Variants in TENM3 observed in about 807,000 individuals in gnomAD.
TENM3 encodes the protein teneurin-3.
A neutral mutation model predicts 255.1 loss-of-function variants in TENM3; 63 were observed. The ratio of observed to expected loss-of-function variants is 0.25; its 90% confidence interval spans 0.20 to 0.30. The LOEUF is 0.30. Among genes scored for constraint, TENM3 ranks in the 10% least tolerant of loss-of-function variants. The probability of loss-of-function intolerance (pLI) is 1.00; values close to 1 mark genes in which losing one functional copy is unlikely to be tolerated. For synonymous variants in TENM3, 1,306 were observed against 1,322.3 expected (o/e 0.99, Z 0.27); for missense variants, 2,929 against 3,461.1 (o/e 0.85, Z 3.86).
At chr4:182,205,063 C>G (rs915802050) in intron 1 of TENM3, among the ~76,000 whole-genome samples, 2 of 152,118 alleles carry the variant, frequency 1.3e-5, no homozygotes, top group Non-Finnish European at 2.9e-5. Context: ...TTAAAATAAC[C>G]CCATCTTACA....
At chr4:182,327,642 A>G (rs1763499113) in intron 2 of TENM3, among the ~76,000 whole-genome samples, 1 of 152,164 alleles carries the variant, frequency 6.6e-6, no homozygotes, top group South Asian at 2.1e-4. Context: ...ACGGGATCTC[A>G]CATTGATCTC....
the TENM3 span, among the ~76,000 whole-genome samples, chr4:182,041,083 TG>T: frequency 6.6e-6 from 1 of 152,196 alleles, no homozygotes; most frequent in Admixed American, 6.5e-5. Context: ...AAGTTCACAC[TG>T]TAGTGAAACT....
the TENM3 span, among the ~76,000 whole-genome samples, chr4:181,527,141 A>G: frequency 6.6e-6 from 1 of 152,176 alleles, no homozygotes; most frequent in Non-Finnish European, 1.5e-5. Context: ...AACAGTTCCA[A>G]TCTACAAACT....
the TENM3 span, among the ~76,000 whole-genome samples, chr4:182,000,099 C>T: frequency 3.4e-4 from 51 of 152,168 alleles, 1 homozygote; most frequent in South Asian, 6.2e-3. Flanking sequence ...TTTTCTACGT[C>T]ATATCAACTG....
chr4:182,693,877 A>G (rs1757190371), intron 12 of TENM3, among the ~76,000 whole-genome samples: 1 of 152,206 alleles, frequency 6.6e-6, no homozygotes, highest in Non-Finnish European at 1.5e-5. Flanking sequence ...TAATTTTGTT[A>G]TTAAGTGTAA....
the TENM3 span, among the ~76,000 whole-genome samples, chr4:181,881,752 T>G: frequency 6.6e-6 from 1 of 152,172 alleles, no homozygotes; most frequent in Non-Finnish European, 1.5e-5. Context: ...TGCCAGATAT[T>G]AACCCTTGGG....
At position 182,628,771 on chromosome 4, in the gene TENM3, C is replaced by T. The variant is rs371456109; in HGVS notation, c.870C>T (p.Thr290=). The T allele has an allele frequency of 6.2e-7, 1 of 1,610,172 alleles. No homozygotes were observed. The highest frequency in any genetic ancestry group is 8.5e-7 in the Non-Finnish European group (1 of 1,178,258). ...SPPTRPLPRN[T]LSRSAFKFKK... ...CTACTCGGCCACTACCTAGAAACACCCTATCAAGAAGTGCTTTTAAATTCA... is the reference window on the plus strand; with the variant it reads ...CTACTCGGCCACTACCTAGAAACACTCTATCAAGAAGTGCTTTTAAATTCA... The change falls in exon 5 of 28, where the codon ACC becomes ACT. Residue 290 remains threonine (T), a synonymous_variant. Coordinates refer to ENST00000511685, the MANE Select transcript of TENM3 (RefSeq NM_001080477.4).
intron 3 of TENM3, among the ~76,000 whole-genome samples, chr4:182,351,487 C>T (rs1165071293): frequency 6.6e-6 from 1 of 152,132 alleles, no homozygotes; most frequent in Non-Finnish European, 1.5e-5. Flanking sequence ...CCTAGAGTGG[C>T]AGTTGTCAAC....
the TENM3 span, among the ~76,000 whole-genome samples, chr4:181,689,698 G>T: frequency 1.3e-5 from 2 of 152,092 alleles, no homozygotes; most frequent in Non-Finnish European, 2.9e-5. Flanking sequence ...TAAATAAAGG[G>T]CACAGGAAGA....
At chr4:182,791,460 C>T (rs1380285330) in intron 25 of TENM3, among the ~76,000 whole-genome samples, 1 of 152,168 alleles carries the variant, frequency 6.6e-6, no homozygotes, top group Non-Finnish European at 1.5e-5. Flanking sequence ...ATTTGTCTTT[C>T]GGCAGTGGCT....
At chr4:181,483,338 G>A in the TENM3 span, among the ~76,000 whole-genome samples, 2 of 152,166 alleles carry the variant, frequency 1.3e-5, no homozygotes, top group African/African-American at 4.8e-5. Context: ...GTCGCAATTA[G>A]TACGTTCACA....
At chr4:182,774,307 A>C (rs1037344084) in intron 23 of TENM3, among the ~76,000 whole-genome samples, 5 of 152,174 alleles carry the variant, frequency 3.3e-5, no homozygotes, top group Non-Finnish European at 5.9e-5. Flanking sequence ...TAACCATCTA[A>C]AACTGCTATT....
chr4:181,451,759 A>C, the TENM3 span, among the ~76,000 whole-genome samples: 8 of 152,212 alleles, frequency 5.3e-5, no homozygotes, highest in African/African-American at 1.9e-4. Flanking sequence ...TGGATGCAGA[A>C]TACCTAAGAT....
intron 3 of TENM3, among the ~76,000 whole-genome samples, chr4:182,534,735 C>G (rs1266688811): frequency 6.6e-6 from 1 of 152,170 alleles, no homozygotes. Flanking sequence ...ATTCCAAAAT[C>G]CAAACTTGCA....
the TENM3 span, among the ~76,000 whole-genome samples, chr4:181,716,457 A>G: frequency 2.0e-5 from 3 of 152,180 alleles, no homozygotes; most frequent in Non-Finnish European, 4.4e-5. Flanking sequence ...GATCAGCCAT[A>G]TTTTAATTGC....
the TENM3 span, among the ~76,000 whole-genome samples, chr4:181,621,555 C>T: frequency 6.6e-6 from 1 of 152,150 alleles, no homozygotes; most frequent in Non-Finnish European, 1.5e-5. Context: ...TACGAATAGC[C>T]TCCTGACAGT....
chr4:182,045,395 T>TAAAA, the TENM3 span, among the ~76,000 whole-genome samples: 1 of 139,472 alleles, frequency 7.2e-6, no homozygotes, highest in East Asian at 2.1e-4. Flanking sequence ...TAGCCTCAAT[T>TAAAA]AAAAAAAAAA....
At chr4:182,626,409 C>G (rs533157244) in intron 4 of TENM3, among the ~76,000 whole-genome samples, 4 of 152,282 alleles carry the variant, frequency 2.6e-5, no homozygotes, top group South Asian at 4.1e-4. Context: ...TAATAAATAA[C>G]TAATGCTTAT....
the TENM3 span, among the ~76,000 whole-genome samples, chr4:181,831,238 T>G: frequency 1.1e-4 from 17 of 152,186 alleles, no homozygotes; most frequent in Non-Finnish European, 1.3e-4. Context: ...TTGTACTTTT[T>G]GGGCTTACAT....
Sources: gnomAD v4.1 joint callset for allele counts (sites outside exome capture counted in the v4.1 genomes callset) on GRCh38, gnomAD v4.1.1 for gene constraint, MANE v1.5 for transcripts, NCBI Gene and HGNC (gene_info 2026-07-23, HGNC 2026-07-21) for gene names.